The following CMIP variants were observed in gnomAD, a reference collection of about 807,000 sequenced individuals.
CMIP encodes c-Maf inducing protein.
In CMIP, 13 loss-of-function variants were observed where a neutral mutation model predicts 97.3. That is an observed-to-expected ratio of 0.13 (90% CI 0.09 to 0.21). The LOEUF (loss-of-function observed/expected upper bound fraction) is 0.21. CMIP is among the 10% of genes least tolerant of loss of function. The pLI, the probability that CMIP is intolerant of heterozygous loss-of-function variation, is 1.00. For missense variants in CMIP, 847 were observed against 1,024.9 expected (o/e 0.83, Z 2.37); for synonymous variants, 538 against 436.3 (o/e 1.23, Z -2.91).
rs181496636 is a variant in CMIP at position 81,540,453 on chromosome 16, C to T, written c.301-67114C>T. ...GAGTAGCTGAGACTACAGGCACAAA[C>T]CACCTCGCCCAGCTAATTTTTGTAT... On this transcript the variant is annotated intron_variant, in intron 1 of 20. Coordinates refer to ENST00000537098, the MANE Select transcript of CMIP (RefSeq NM_198390.3). Among the ~76,000 whole-genome samples, 13 of 151,988 alleles carry T rather than the reference C, an allele frequency of 8.6e-5. No individual in the cohort carries two copies. The East Asian group carries it at 2.1e-3, about 25-fold the overall frequency.
At position 81,641,445 on chromosome 16, in the gene CMIP, A is replaced by T. The variant is rs184188239; in HGVS notation, c.478-10758A>T. ...TTTTTTTTTAATGTGCTCAAACAGC[A>T]TCTGCGTGATGATTGGATTTTGCCC... On this transcript the variant is annotated intron_variant, in intron 3 of 20. Coordinates refer to ENST00000537098, the MANE Select transcript of CMIP (RefSeq NM_198390.3). Among the ~76,000 whole-genome samples, 7 of 152,262 alleles carry T rather than the reference A, an allele frequency of 4.6e-5. No individual in the cohort carries two copies. The East Asian group carries it at 1.2e-3, about 25-fold the overall frequency.
chr16:81,578,445 A>C (rs989998075), intron 1 of CMIP, among the ~76,000 whole-genome samples: 1 of 152,156 alleles, frequency 6.6e-6, no homozygotes, highest in Non-Finnish European at 1.5e-5. Context: ...TGTTACTTTG[A>C]ATTGTATACC....
chr16:81,668,124 A>G (rs2092630655), intron 7 of CMIP, among the ~76,000 whole-genome samples: 1 of 152,208 alleles, frequency 6.6e-6, no homozygotes, highest in Admixed American at 6.5e-5. Context: ...TCTGTTCTAC[A>G]GCTTGAAGTC....
rs2092652490 is a variant in CMIP, at chr16:81,669,263, TC to T, written c.826-877del. On this transcript the variant is annotated intron_variant, in intron 7 of 20. Coordinates refer to ENST00000537098, the MANE Select transcript of CMIP (RefSeq NM_198390.3). The stretch of plus-strand genomic sequence containing the variant: ...TCCACACCCACCTCTCACACTCACC[TC>T]CTTCCACATCCACCTCACACCTCCA... Among the ~76,000 whole-genome samples, 2 of 88,480 alleles carry T rather than the reference TC, an allele frequency of 2.3e-5. 1 individual carries two copies. Among genetic ancestry groups the T allele is most frequent in the Admixed American group, 2.3e-4 (2 of 8,768 alleles). 58.0% of individuals were successfully genotyped at this position (88,480 alleles called of 152,430 possible). A position where few individuals can be genotyped will look rare whatever the true frequency, so the allele number is the denominator to read the frequency against.
intron 7 of CMIP, chr16:81,665,388 C>T (rs1029409344): frequency 6.6e-6 from 1 of 152,152 alleles, no homozygotes; most frequent in Non-Finnish European, 1.5e-5. Context: ...TTCTTGGAGT[C>T]AAGAGTGTGG....
Position 81,691,854 on chromosome 16 carries a change from G to T in CMIP, c.1454+14G>T, listed in dbSNP as rs776378516. 2 of 1,610,920 alleles carry T rather than the reference G, an allele frequency of 1.2e-6. No individual in the cohort carries two copies. The highest frequency in any genetic ancestry group is 1.7e-6 in the Non-Finnish European group (2 of 1,177,268). On this transcript the variant is annotated intron_variant, in intron 11 of 20. Transcript: ENST00000537098. Reference sequence around the variant, plus strand: ...ATTCCCCAAAGAGTAAGTCCCGTGTGCATCCCCGGAGCCCTCCCACCTGTG... The same window carrying T: ...ATTCCCCAAAGAGTAAGTCCCGTGTTCATCCCCGGAGCCCTCCCACCTGTG...
intron 2 of CMIP, among the ~76,000 whole-genome samples, chr16:81,611,879 T>G (rs2091837676): frequency 6.6e-6 from 1 of 152,200 alleles, no homozygotes. Context: ...CATCCCCAGC[T>G]CAGAGACAGA....
At chr16:81,451,950 A>T (rs1057405706) in intron 1 of CMIP, among the ~76,000 whole-genome samples, 1 of 152,208 alleles carries the variant, frequency 6.6e-6, no homozygotes, top group Non-Finnish European at 1.5e-5. Flanking sequence ...GACTGTGCGC[A>T]TTTTGAAAGG....
At chr16:81,529,493 G>A (rs2150820082) in intron 1 of CMIP, among the ~76,000 whole-genome samples, 1 of 152,268 alleles carries the variant, frequency 6.6e-6, no homozygotes, top group Admixed American at 6.5e-5. Context: ...AGATCTGTGT[G>A]GTGGACAGAC....
chr16:81,579,931 G>T (rs960651312), intron 1 of CMIP, among the ~76,000 whole-genome samples: 2 of 152,154 alleles, frequency 1.3e-5, no homozygotes, highest in African/African-American at 4.8e-5. Flanking sequence ...ACTCCAGCCC[G>T]CCTGGGCGAC....
At chr16:81,571,701 G>C (rs2091092872) in intron 1 of CMIP, among the ~76,000 whole-genome samples, 1 of 152,112 alleles carries the variant, frequency 6.6e-6, no homozygotes, top group African/African-American at 2.4e-5. Context: ...CCCTTCCTTG[G>C]TGTGTGTAGG....
At chr16:81,489,400 A>C (rs1303314238) in intron 1 of CMIP, among the ~76,000 whole-genome samples, 2 of 152,180 alleles carry the variant, frequency 1.3e-5, no homozygotes. Context: ...ACCACAATAC[A>C]CTGGTACTTT....
chr16:81,457,875 GC>G (rs1906656960), intron 1 of CMIP, among the ~76,000 whole-genome samples: 1 of 152,158 alleles, frequency 6.6e-6, no homozygotes, highest in Admixed American at 6.5e-5. Context: ...GGCACCCCAG[GC>G]CCCCAGAAGG....
At chr16:81,659,915 C>G (rs1370323984) in intron 5 of CMIP, among the ~76,000 whole-genome samples, 1 of 152,222 alleles carries the variant, frequency 6.6e-6, no homozygotes, top group African/African-American at 2.4e-5. Context: ...TATTATGATG[C>G]CTTCTGGAGC....
intron 1 of CMIP, among the ~76,000 whole-genome samples, chr16:81,486,690 C>T (rs2089319559): frequency 6.6e-6 from 1 of 152,220 alleles, no homozygotes; most frequent in Non-Finnish European, 1.5e-5. Context: ...GAACTAATTT[C>T]TTAAGAGACC....
At chr16:81,490,675 A>G (rs1403923039) in intron 1 of CMIP, among the ~76,000 whole-genome samples, 1 of 152,200 alleles carries the variant, frequency 6.6e-6, no homozygotes, top group Non-Finnish European at 1.5e-5. Flanking sequence ...GAAGAAGACA[A>G]GACCCACACA....
intron 1 of CMIP, among the ~76,000 whole-genome samples, chr16:81,521,152 G>C (rs1045416403): frequency 6.6e-6 from 1 of 152,234 alleles, no homozygotes; most frequent in Admixed American, 6.5e-5. Context: ...GTTCTGGAAG[G>C]CTTTTCTTTG....
intron 1 of CMIP, among the ~76,000 whole-genome samples, chr16:81,538,755 A>G (rs1448178717): frequency 6.6e-6 from 1 of 152,208 alleles, no homozygotes; most frequent in Middle Eastern, 3.2e-3. Flanking sequence ...ATTAAGTTCA[A>G]AATAGCACGT....
At chr16:81,645,206 G>A (rs2092350303) in intron 3 of CMIP, among the ~76,000 whole-genome samples, 1 of 152,232 alleles carries the variant, frequency 6.6e-6, no homozygotes, top group Non-Finnish European at 1.5e-5. Flanking sequence ...CTCCGCTGTA[G>A]GACCTGCACT....
Sources: allele counts gnomAD v4.1 joint callset (sites outside exome capture counted in the v4.1 genomes callset), GRCh38; gene constraint gnomAD v4.1.1; transcripts MANE v1.5; gene names NCBI Gene and HGNC (gene_info 2026-07-23, HGNC 2026-07-21).